DUSP8: variants seen among roughly 807,000 people sequenced by gnomAD.
DUSP8 encodes dual specificity protein phosphatase 8.
Under a neutral mutation model 38.7 loss-of-function variants are expected in DUSP8, and 15 were observed. The observed-to-expected ratio is 0.39, with a 90% confidence interval of 0.26 to 0.60. The LOEUF (loss-of-function observed/expected upper bound fraction) is 0.60. Among genes scored for constraint, DUSP8 ranks in the 20% least tolerant of loss-of-function variants. DUSP8 has a pLI of 0.56. For synonymous variants in DUSP8, 458 were observed against 433.9 expected (o/e 1.06, Z -0.69); for missense variants, 768 against 915.0 (o/e 0.84, Z 2.07).
chr11:1,561,017 G>T (rs1250156248), intron 3 of DUSP8, among the ~76,000 whole-genome samples: 2 of 152,146 alleles, frequency 1.3e-5, no homozygotes, highest in Non-Finnish European at 2.9e-5. Flanking sequence ...GGCGGAGCAG[G>T]TAGTGTGGAT....
At chr11:1,559,341 A>G in intron 3 of DUSP8, 2 of 427,938 alleles carry the variant, frequency 4.7e-6, no homozygotes. Context: ...ATGCCCGTAA[A>G]GGTGGCGTTG....
chr11:1,555,953 C>G lies in DUSP8; in HGVS notation c.*565G>C, dbSNP rs1488877368. ...GGCAGCGGGGTGCCCTCCTTGCCAC[C>G]AAGATTTGGTGCCTGGAGCTGATGG... is the stretch of plus-strand genomic sequence containing the variant. On this transcript the variant is annotated 3_prime_UTR_variant, in exon 7 of 7. Coordinates refer to ENST00000397374, the MANE Select transcript of DUSP8 (RefSeq NM_004420.3). The G allele has an allele frequency of 1.3e-5, 2 of 152,252 alleles. No individual in the cohort carries two copies. Among genetic ancestry groups the G allele is most frequent in the African/African-American group, 4.8e-5 (2 of 41,436 alleles). The allele number at this position is 152,252 out of a possible 1,614,324, so 9.4% of individuals were successfully genotyped here.
At chr11:1,568,207 G>C (rs1848834774) in intron 1 of DUSP8, among the ~76,000 whole-genome samples, 1 of 152,208 alleles carries the variant, frequency 6.6e-6, no homozygotes, top group Admixed American at 6.5e-5. Flanking sequence ...CAGGGAGGAG[G>C]GCAGGTGTGA....
At chr11:1,567,817 G>GGCCA (rs1177488295) in intron 1 of DUSP8, among the ~76,000 whole-genome samples, 1 of 152,170 alleles carries the variant, frequency 6.6e-6, no homozygotes, top group Non-Finnish European at 1.5e-5. Flanking sequence ...TCCTCTCCAG[G>GGCCA]GCCAGACCCA....
In DUSP8 at chr11:1,559,002, C is replaced by T; in HGVS notation, c.424G>A (p.Ala142Thr). The change falls in exon 4 of 7, where the codon GCT (alanine) becomes ACT (threonine). Residue 142 changes from alanine to threonine, a missense_variant. Physicochemically the swap from Ala to Thr is moderately conservative, Grantham distance 58. Transcript: ENST00000397374. ...CFPGLCEGKP[A>T]ALLPMSLSQP... ...GAGAGGCTCATGGGTAGCAGGGCAG[C>T]AGGCTTGCCCTCGCAGAGGCCGGGG... 6.2e-7 allele frequency: 1 copy of T among 1,610,814 alleles called. No individual in the cohort carries two copies. Among genetic ancestry groups the T allele is most frequent in the Non-Finnish European group, 8.5e-7 (1 of 1,179,388 alleles).
chr11:1,568,320 C>G (rs1848836252), intron 1 of DUSP8, among the ~76,000 whole-genome samples: 1 of 151,540 alleles, frequency 6.6e-6, no homozygotes, highest in Non-Finnish European at 1.5e-5. Flanking sequence ...AGATCTGAGA[C>G]CCAGAGGGAG....
intron 1 of DUSP8, among the ~76,000 whole-genome samples, chr11:1,568,329 A>AG (rs1848836404): frequency 1.6e-5 from 1 of 64,424 alleles, no homozygotes; most frequent in East Asian, 4.3e-4. Context: ...ACCCAGAGGG[A>AG]GGGGAGGGAG....
chr11:1,557,423 C>T lies in DUSP8; in HGVS notation c.973G>A (p.Ala325Thr), dbSNP rs756083394. The T allele has an allele frequency of 5.8e-6, 9 of 1,563,946 alleles. No homozygotes were observed. The highest frequency in any genetic ancestry group is 4.7e-5 in the East Asian group (2 of 42,236). The change falls in exon 7 of 7, where the codon GCC (alanine) becomes ACC (threonine). Residue 325 changes from alanine (A) to threonine (T), a missense_variant. By Grantham distance (58) the Ala-to-Thr change is moderately conservative. Around this residue, in one of 3 missense-constraint regions of DUSP8, gnomAD observed 474 missense variants for 430.8 expected, o/e 1.10. Transcript: ENST00000397374. The surrounding 1 kb of genome is among the most constrained non-coding windows in gnomAD (Gnocchi z 9.9). ...GGCAGCCGTGGCAGCGGGGCCCCGG[C>T]GGCAGGACTGGGCGGAGGCTCCGGC... Reference protein sequence around the residue: ...GTPEPPPSPAAGAPLPRLPPP... With the variant: ...GTPEPPPSPATGAPLPRLPPP...
In DUSP8 at chr11:1,557,913, T is replaced by C; in HGVS notation, c.702A>G (p.Lys234=). 1 of 1,613,844 alleles carries C rather than the reference T, an allele frequency of 6.2e-7. No individual in the cohort carries two copies. Among genetic ancestry groups the C allele is most frequent in the Non-Finnish European group, 8.5e-7 (1 of 1,179,980 alleles). The change falls in exon 6 of 7, where the codon AAA becomes AAG. Residue 234 remains lysine (K), a synonymous_variant. Coordinates refer to ENST00000397374, the MANE Select transcript of DUSP8 (RefSeq NM_004420.3). This position sits in a 1 kb window ranked among gnomAD's most constrained non-coding sequence, Gnocchi z 9.9. ...TGACTTGGCAGCTGGAGAGCTTGGC[T>C]TTATCTGGGCAGGTGGGCCATGGGG... is the stretch of plus-strand genomic sequence containing the variant. ...WLDKSIEFID[K]AKLSSCQVIV...
chr11:1,564,101 A>G, intron 2 of DUSP8, 112 bp from the exon 3 acceptor site: 1 of 1,298,776 alleles, frequency 7.7e-7, no homozygotes, highest in Non-Finnish European at 1.0e-6. Context: ...GATGGGAGGC[A>G]GGCAGCTGTC....
At chr11:1,562,684 T>C (rs7938020) in intron 3 of DUSP8, among the ~76,000 whole-genome samples, 81,851 of 151,632 alleles carry the variant, frequency 0.54, 22,452 homozygotes, top group African/African-American at 0.56. Flanking sequence ...CATACATGCA[T>C]GCACATGCAC....
chr11:1,567,334 C>A (rs1195269876), intron 1 of DUSP8, among the ~76,000 whole-genome samples: 1 of 152,234 alleles, frequency 6.6e-6, no homozygotes, highest in East Asian at 1.9e-4. Context: ...GACACCCATG[C>A]ACTGCAAACA....
chr11:1,564,984 G>A (rs1848780109), intron 2 of DUSP8, among the ~76,000 whole-genome samples: 1 of 152,202 alleles, frequency 6.6e-6, no homozygotes, highest in African/African-American at 2.4e-5. Flanking sequence ...CAGCCCCGCT[G>A]GTCCCTCCCC....
chr11:1,566,159 G>A (rs1408871570), intron 1 of DUSP8, among the ~76,000 whole-genome samples: 4 of 152,174 alleles, frequency 2.6e-5, no homozygotes, highest in African/African-American at 9.7e-5. Context: ...AGAAGGGTCT[G>A]AGGGCTGGAA....
intron 3 of DUSP8, among the ~76,000 whole-genome samples, chr11:1,561,555 T>C (rs2133438150): frequency 6.6e-6 from 1 of 152,332 alleles, no homozygotes; most frequent in East Asian, 1.9e-4. Context: ...CCCAACATCG[T>C]GAGCAGCGCA....
chr11:1,556,842 C>T lies in DUSP8; in HGVS notation c.1554G>A (p.Pro518=), dbSNP rs969033193. 28 of 1,146,852 alleles carry T rather than the reference C, an allele frequency of 2.4e-5. No homozygotes were observed. In the African/African-American group the frequency reaches 3.3e-4, roughly 13 times the overall value. The allele number at this position is 1,146,852 out of a possible 1,614,324, so 71.0% of individuals were successfully genotyped here. Residue 518 remains proline (P), a synonymous_variant, in exon 7 of 7, where the codon CCG becomes CCA. Coordinates refer to ENST00000397374, the MANE Select transcript of DUSP8 (RefSeq NM_004420.3). The surrounding 1 kb of genome is among the most constrained non-coding windows in gnomAD (Gnocchi z 5.2). The stretch of plus-strand genomic sequence containing the variant: ...TGAAGCACCAGGGCCCGTCGGGCGA[C>T]GGCGTGCCTGGGGAGTCGAGCGGCG... ...WAPPLDSPGT[P]SPDGPWCFSP...
intron 3 of DUSP8, among the ~76,000 whole-genome samples, chr11:1,562,929 A>G (rs989340475): frequency 6.6e-6 from 1 of 152,156 alleles, no homozygotes; most frequent in South Asian, 2.1e-4. Flanking sequence ...GTCCCAGGAC[A>G]TGCCATGTCG....
chr11:1,566,129 G>A (rs1414701595), intron 1 of DUSP8, among the ~76,000 whole-genome samples, 195 bp from the exon 2 acceptor site: 1 of 152,128 alleles, frequency 6.6e-6, no homozygotes, highest in Non-Finnish European at 1.5e-5. Flanking sequence ...AAGGCAGAGG[G>A]GGGCAAATGG....
intron 1 of DUSP8, among the ~76,000 whole-genome samples, chr11:1,566,342 T>C (rs1021281736): frequency 2.6e-5 from 4 of 152,006 alleles, no homozygotes; most frequent in Non-Finnish European, 4.4e-5. Context: ...TCCCACATGG[T>C]CAAGCTCTCT....
Sources: gnomAD v4.1 joint callset for allele counts (sites outside exome capture counted in the v4.1 genomes callset) on GRCh38, gnomAD v4.1.1 for gene constraint, gnomAD v4.1.1 regional missense constraint, Gnocchi (gnomAD v3.1) non-coding constraint, MANE v1.5 for transcripts, NCBI Gene and HGNC (gene_info 2026-07-23, HGNC 2026-07-21) for gene names.